SELP: variants seen among roughly 807,000 people sequenced by gnomAD.
SELP encodes selectin P, also known as P-selectin.
In SELP, 92 loss-of-function variants were observed where a neutral mutation model predicts 104.1. The ratio of observed to expected loss-of-function variants is 0.88; its 90% CI spans 0.75 to 1.05. SELP has a LOEUF of 1.05. Among genes scored for constraint, SELP ranks in the 50% least tolerant of loss-of-function variants. The pLI is 0.00. For synonymous variants in SELP, 397 were observed against 364.5 expected (o/e 1.09, Z -1.01); for missense variants, 1,022 against 1,017.3 (o/e 1.00, Z -0.06).
In SELP at chr1:169,597,258, T is replaced by C; in HGVS notation, c.1706-82A>G. On this transcript the variant is annotated intron_variant, in intron 10 of 16. Coordinates refer to ENST00000263686, the MANE Select transcript of SELP (RefSeq NM_003005.4). ...TACACAAAGTTCATTCACTTATATA[T>C]TCAAAAAATATTTATTAAGCACCTA... 1.6e-6 allele frequency: 2 copies of C among 1,253,722 alleles called. 1 individual carries two copies. The highest frequency in any genetic ancestry group is 2.2e-6 in the Non-Finnish European group (2 of 919,120). The allele number at this position is 1,253,722 out of a possible 1,614,324, so 77.7% of individuals were successfully genotyped here. A position where few individuals can be genotyped will look rare whatever the true frequency, so the allele number is the denominator to read the frequency against.
chr1:169,611,367 GTTGAAGAGC>G, intron 7 of SELP, 116 bp downstream of exon 7: 1 of 907,434 alleles, frequency 1.1e-6, no homozygotes, highest in Non-Finnish European at 1.7e-6. Flanking sequence ...GTTCCTGGAG[GTTGAAGAGC>G]TTGCTCTAGT....
chr1:169,605,299 C>T (rs1299046264), intron 9 of SELP, among the ~76,000 whole-genome samples: 2 of 152,188 alleles, frequency 1.3e-5, no homozygotes, highest in East Asian at 3.9e-4. Flanking sequence ...ACAGCCCCGC[C>T]CTGTTCTCTC....
At chr1:169,627,089 A>C (rs559550899) in intron 1 of SELP, among the ~76,000 whole-genome samples, 5 of 152,302 alleles carry the variant, frequency 3.3e-5, no homozygotes, top group Non-Finnish European at 5.9e-5. Flanking sequence ...TTGGTCTGGC[A>C]TCAGTGGGAA....
intron 5 of SELP, among the ~76,000 whole-genome samples, 185 bp downstream of exon 5, chr1:169,612,743 TA>T (rs373776425): frequency 5.9e-5 from 9 of 152,186 alleles, no homozygotes; most frequent in East Asian, 5.8e-4. Flanking sequence ...ACTCTACCCA[TA>T]AAAAAATACC....
chr1:169,613,090 A>T lies in SELP; in HGVS notation c.614T>A (p.Leu205His), dbSNP rs780011413. Residue 205 changes from leucine (L) to histidine (H), a missense_variant, in exon 5 of 17, where the codon CTC (leucine) becomes CAC (histidine). Transcript: ENST00000263686. The stretch of plus-strand genomic sequence containing the variant: ...GCAGTTCATGAGCACGTGTTGAGGG[A>T]GCTCAAGTTCTCCACACTCTCTCAC... ...EYVRECGELE[L>H]PQHVLMNCSH... The T allele has an allele frequency of 3.1e-6, 5 of 1,607,916 alleles. No individual in the cohort carries two copies. The East Asian group carries it at 1.1e-4, about 36-fold the overall frequency.
Position 169,590,133 on chromosome 1 carries a change from T to A in SELP, c.*1+14A>T. On this transcript the variant is annotated intron_variant, in intron 16 of 16. Coordinates refer to ENST00000263686, the MANE Select transcript of SELP (RefSeq NM_003005.4). ...GTTCTATTTCCTTCAAAAATATCTT[T>A]ATAGGGATCTTACCTTAAGGACTCG... The A allele has an allele frequency of 6.3e-7, 1 of 1,580,038 alleles. No individual in the cohort carries two copies.
At chr1:169,621,509 T>A (rs1663136720) in intron 1 of SELP, among the ~76,000 whole-genome samples, 1 of 144,872 alleles carries the variant, frequency 6.9e-6, no homozygotes, top group Middle Eastern at 3.9e-3. Flanking sequence ...CAGTGTGGGG[T>A]TGTGTATGTG....
At position 169,603,162 on chromosome 1, in the gene SELP, A is replaced by G. The variant is rs1380765123; in HGVS notation, c.1569T>C (p.Cys523=). The G allele has an allele frequency of 1.2e-6, 2 of 1,614,002 alleles. No homozygotes were observed. Among genetic ancestry groups the G allele is most frequent in the African/African-American group, 1.3e-5 (1 of 74,920 alleles). ...LLSPQNGTMT[C]VQPLGSSSYK... ...AACTGGAACTTCCAAGAGGTTGAACACAGGTCATTGTTCCATTCTGAGGGC... is the reference window on the plus strand; with the variant it reads ...AACTGGAACTTCCAAGAGGTTGAACGCAGGTCATTGTTCCATTCTGAGGGC... Residue 523 remains cysteine (C), a synonymous_variant, in exon 10 of 17, where the codon TGT becomes TGC. Transcript: ENST00000263686.
chr1:169,604,539 T>C (rs1190701845), intron 9 of SELP, among the ~76,000 whole-genome samples: 1 of 152,218 alleles, frequency 6.6e-6, no homozygotes, highest in Non-Finnish European at 1.5e-5. Flanking sequence ...AGGGTCATTT[T>C]TCAGCCACTG....
chr1:169,593,677 C>G lies in SELP; in HGVS notation c.2335G>C (p.Val779Leu). ...QEALTYFGGA[V>L]ASTIGLIMGG... The stretch of plus-strand genomic sequence containing the variant: ...ATTATCAGACCTATCGTAGAAGCCA[C>G]CGCTCCACCAAAGTAAGTCAGGGCT... The change falls in exon 14 of 17, where the codon GTG becomes CTG. Residue 779 changes from valine (V) to leucine (L), a missense_variant. Val to Leu is a conservative substitution (Grantham distance 32). Transcript: ENST00000263686. 1 of 1,613,500 alleles carries G rather than the reference C, an allele frequency of 6.2e-7. No homozygotes were observed. The highest frequency in any genetic ancestry group is 8.5e-7 in the Non-Finnish European group (1 of 1,179,556).
At chr1:169,625,939 T>G (rs1220306711) in intron 1 of SELP, among the ~76,000 whole-genome samples, 1 of 151,990 alleles carries the variant, frequency 6.6e-6, no homozygotes, top group Non-Finnish European at 1.5e-5. Context: ...TAGCCATAAG[T>G]GCTAGGTAGG....
At chr1:169,605,331 A>C (rs1662125662) in intron 9 of SELP, among the ~76,000 whole-genome samples, 1 of 152,172 alleles carries the variant, frequency 6.6e-6, no homozygotes, top group African/African-American at 2.4e-5. Flanking sequence ...CTGAAGGTGC[A>C]CCCAACCCTA....
At chr1:169,616,982 G>GA (rs1553231644) in intron 3 of SELP, 46 bp downstream of exon 3, 1 of 1,093,648 alleles carries the variant, frequency 9.1e-7, no homozygotes, top group Admixed American at 2.8e-5. Flanking sequence ...AGAAGGCAGG[G>GA]TTTTTTTTTT....
At chr1:169,598,745 A>T (rs1399475310) in intron 10 of SELP, among the ~76,000 whole-genome samples, 1 of 152,230 alleles carries the variant, frequency 6.6e-6, no homozygotes, top group Non-Finnish European at 1.5e-5. Context: ...GGACCTTGTC[A>T]GTTCTTTGAA....
chr1:169,616,476 C>G (rs975193593), intron 3 of SELP, among the ~76,000 whole-genome samples: 3 of 152,184 alleles, frequency 2.0e-5, no homozygotes, highest in Non-Finnish European at 4.4e-5. Flanking sequence ...AAAAACCTGA[C>G]TGATGGAGTT....
At position 169,603,038 on chromosome 1, in the gene SELP, G is replaced by T; in HGVS notation, c.1693C>A (p.Pro565Thr). 1 of 1,612,968 alleles carries T rather than the reference G, an allele frequency of 6.2e-7. No homozygotes were observed. ...TRSGRWTDSP[P>T]MCEAIKCPEL... The stretch of plus-strand genomic sequence containing the variant: ...ACCCACAGCCTACCTTCACACATTG[G>T]TGGGGAGTCTGTCCAGCGTCCCGAT... Residue 565 changes from proline to threonine, a missense_variant, in exon 10 of 17, where the codon CCA becomes ACA. Transcript: ENST00000263686.
intron 14 of SELP, 43 bp downstream of exon 14, chr1:169,593,562 T>C (rs1279612707): frequency 5.1e-6 from 8 of 1,580,540 alleles, no homozygotes; most frequent in African/African-American, 1.4e-5. Context: ...TTTCTTTTGA[T>C]TTATGTAACC....
In SELP at chr1:169,591,432, G is replaced by T; in HGVS notation, c.2432C>A (p.Pro811His). 1 of 1,580,554 alleles carries T rather than the reference G, an allele frequency of 6.3e-7. No homozygotes were observed. The highest frequency in any genetic ancestry group is 1.8e-5 in the Admixed American group (1 of 54,818). Reference protein sequence around the residue: ...QKDDGKCPLNPHSHLGTYGVF... With the variant: ...QKDDGKCPLNHHSHLGTYGVF... Reference sequence around the variant, plus strand: ...TAAAACATTTCTACCTTACCTGTGAGGATTCAAGGGGCATTTCCCATCATC... The same window carrying T: ...TAAAACATTTCTACCTTACCTGTGATGATTCAAGGGGCATTTCCCATCATC... The change falls in exon 15 of 17, where the codon CCT (proline) becomes CAT (histidine). Residue 811 changes from proline to histidine, a missense_variant. Physicochemically the swap from Pro to His is moderately conservative, Grantham distance 77 (BLOSUM62 -2). Coordinates refer to ENST00000263686, the MANE Select transcript of SELP (RefSeq NM_003005.4).
In SELP at chr1:169,607,766, A is replaced by T. The variant is rs2101895174; in HGVS notation, c.1334-632T>A. On this transcript the variant is annotated intron_variant, in intron 8 of 16. Transcript: ENST00000263686. ...AACTACCTCATAGAGTTAGACTGAG[A>T]TCATAGAAAGTGCTCAATGAACATT... 2.6e-5 allele frequency among the ~76,000 whole-genome samples: 4 copies of T among 152,300 alleles called. No individual in the cohort carries two copies. The Middle Eastern group carries it at 0.01, about 389-fold the overall frequency.
Sources: gnomAD v4.1 joint callset for allele counts (sites outside exome capture counted in the v4.1 genomes callset) on GRCh38, gnomAD v4.1.1 for gene constraint, MANE v1.5 for transcripts, NCBI Gene and HGNC (gene_info 2026-07-23, HGNC 2026-07-21) for gene names.